CACNA1A: variants seen among roughly 807,000 people sequenced by gnomAD.
The protein encoded by CACNA1A is voltage-dependent P/Q-type calcium channel subunit alpha-1A.
A neutral mutation model predicts 262.4 loss-of-function variants in CACNA1A; 57 were observed. That is an observed-to-expected ratio of 0.22 (90% confidence interval 0.18 to 0.27). CACNA1A has a LOEUF of 0.27. Ranked by LOEUF, CACNA1A falls within the 10% of genes least tolerant of loss-of-function variation. The pLI, the probability that CACNA1A is intolerant of heterozygous loss-of-function variation, is 1.00. For missense variants in CACNA1A, 2,526 were observed against 3,562.8 expected (o/e 0.71, Z 7.41); for synonymous variants, 1,431 against 1,419.3 (o/e 1.01, Z -0.18).
At chr19:13,372,998 A>G (rs951340159) in intron 3 of CACNA1A, among the ~76,000 whole-genome samples, 2 of 152,220 alleles carry the variant, frequency 1.3e-5, no homozygotes, top group Non-Finnish European at 2.9e-5. Context: ...TTTCCTGAAC[A>G]TGTCCATTTC....
intron 6 of CACNA1A, among the ~76,000 whole-genome samples, chr19:13,354,549 C>T (rs549622093): frequency 1.8e-4 from 27 of 152,278 alleles, no homozygotes; most frequent in African/African-American, 4.3e-4. Context: ...CATTGACAGA[C>T]GCTACTCGTT....
intron 24 of CACNA1A, 175 bp from the exon 25 acceptor site, chr19:13,263,008 T>A: frequency 1.7e-6 from 1 of 605,374 alleles, no homozygotes. Context: ...CTGTTAAGCT[T>A]GGGCTCGGGA....
At chr19:13,209,033 GACAC>G in intron 45 of CACNA1A, 24 bp from the exon 46 acceptor site, 6 of 1,536,878 alleles carry the variant, frequency 3.9e-6, no homozygotes, top group Non-Finnish European at 5.2e-6. Context: ...GGGTCAGACA[GACAC>G]ACAGGTGGTC....
At chr19:13,460,132 C>T (rs147070091) in intron 1 of CACNA1A, among the ~76,000 whole-genome samples, 102 of 152,268 alleles carry the variant, frequency 6.7e-4, no homozygotes, top group African/African-American at 2.4e-3. Context: ...GACCTCAGAC[C>T]CTTGCTACTC....
At chr19:13,435,537 G>T (rs538660093) in intron 3 of CACNA1A, among the ~76,000 whole-genome samples, 6 of 152,236 alleles carry the variant, frequency 3.9e-5, no homozygotes, top group African/African-American at 1.4e-4. Context: ...TGAGCAGGAA[G>T]GGTGCTCTGC....
intron 30 of CACNA1A, among the ~76,000 whole-genome samples, chr19:13,246,788 G>A (rs1220879820): frequency 6.6e-6 from 1 of 152,022 alleles, no homozygotes; most frequent in African/African-American, 2.4e-5. Context: ...ACCACGCCTG[G>A]CTAATTTTTT....
rs958700455 is a variant in CACNA1A, at chr19:13,365,056, TTCC to T, written c.784+258_784+260del. 4.8e-5 allele frequency: 15 copies of T among 312,866 alleles called. No homozygotes were observed. The Admixed American group carries it at 5.0e-4, about 10-fold the overall frequency. The allele number at this position is 312,866 out of a possible 1,614,324, so 19.4% of individuals were successfully genotyped here. Reference sequence around the variant, plus strand: ...AAAGATCCCTTCTTTCTCTGCTCACTTCCTCATTCCCCCGATGGTGCTTCCTGG... The same window carrying T: ...AAAGATCCCTTCTTTCTCTGCTCACTTCATTCCCCCGATGGTGCTTCCTGG... On this transcript the variant is annotated intron_variant, in intron 5 of 46. Coordinates refer to ENST00000360228, the MANE Select transcript of CACNA1A (RefSeq NM_001127222.2).
chr19:13,474,822 A>AAC (rs1221017289), intron 1 of CACNA1A, among the ~76,000 whole-genome samples: 3 of 152,096 alleles, frequency 2.0e-5, no homozygotes, highest in African/African-American at 7.2e-5. Flanking sequence ...GTCTCAAAAA[A>AAC]AAAAAAAATG....
chr19:13,237,931 CTGGAAGCAGCCTCAGGAGGGGGGTT>C (rs1373173861), intron 31 of CACNA1A, among the ~76,000 whole-genome samples: 3 of 152,182 alleles, frequency 2.0e-5, no homozygotes, highest in African/African-American at 7.2e-5. Flanking sequence ...CAGGCGGACC[CTGGAAGCAGCCTCAGGAGGGGGGTT>C]TGGAGGAGAG....
intron 10 of CACNA1A, among the ~76,000 whole-genome samples, chr19:13,323,332 T>TA (rs1174187906): frequency 6.6e-6 from 1 of 152,192 alleles, no homozygotes; most frequent in Non-Finnish European, 1.5e-5. Flanking sequence ...TGTGAGGTGA[T>TA]AGCTAATGGT....
intron 1 of CACNA1A, among the ~76,000 whole-genome samples, chr19:13,488,234 C>T (rs1048167265): frequency 2.6e-5 from 4 of 152,188 alleles, no homozygotes; most frequent in African/African-American, 9.6e-5. Context: ...AGTCTACCTG[C>T]TTAGCCACCT....
chr19:13,436,262 T>C (rs1342600767), intron 3 of CACNA1A, among the ~76,000 whole-genome samples: 2 of 152,218 alleles, frequency 1.3e-5, no homozygotes, highest in Non-Finnish European at 2.9e-5. Flanking sequence ...GTACAGCTGC[T>C]GAGGCGAGTG....
Position 13,253,066 on chromosome 19 carries a change from C to T in CACNA1A, c.4791G>A (p.Leu1597=), listed in dbSNP as rs2144726178. The change falls in exon 30 of 47, where the codon CTG becomes CTA. Residue 1597 remains leucine (L), a synonymous_variant. Transcript: ENST00000360228. ...YGASVAYENA[L]RVFNIVFTSL... is the part of the protein sequence containing the mutation. ...AGGTGAAGACGATGTTGAACACCCG[C>T]AGGGCATTTTCATAAGCAACAGAAG... 6.2e-7 allele frequency: 1 copy of T among 1,613,642 alleles called. No homozygotes were observed. The highest frequency in any genetic ancestry group is 1.1e-5 in the South Asian group (1 of 91,068).
intron 1 of CACNA1A, among the ~76,000 whole-genome samples, chr19:13,458,872 G>A (rs963639041): frequency 7.2e-5 from 11 of 152,228 alleles, no homozygotes; most frequent in Non-Finnish European, 1.0e-4. Flanking sequence ...AGGTGTAAGC[G>A]CTGGAGAAGC....
chr19:13,461,410 G>A (rs1359056143), intron 1 of CACNA1A, among the ~76,000 whole-genome samples: 1 of 148,834 alleles, frequency 6.7e-6, no homozygotes. Flanking sequence ...AATGAAGGAA[G>A]GGGACATGGG....
intron 28 of CACNA1A, chr19:13,257,063 T>C (rs931432171): frequency 2.4e-5 from 6 of 250,794 alleles, no homozygotes; most frequent in South Asian, 7.2e-5. Context: ...GATGTTGACA[T>C]GCAGTGTGAG....
At chr19:13,470,847 C>G (rs1472357175) in intron 1 of CACNA1A, among the ~76,000 whole-genome samples, 5 of 152,210 alleles carry the variant, frequency 3.3e-5, no homozygotes, top group Non-Finnish European at 5.9e-5. Flanking sequence ...ATAGCTATAC[C>G]ACTCTGTGTC....
intron 19 of CACNA1A, among the ~76,000 whole-genome samples, chr19:13,292,838 G>A (rs1246838440): frequency 6.6e-6 from 1 of 151,428 alleles, no homozygotes; most frequent in Non-Finnish European, 1.5e-5. Context: ...GACTGATCTT[G>A]AATTTTTTTC....
intron 3 of CACNA1A, among the ~76,000 whole-genome samples, chr19:13,373,556 G>A (rs1399891611): frequency 1.3e-5 from 2 of 152,162 alleles, no homozygotes; most frequent in Admixed American, 1.3e-4. Context: ...GCTCCCAGTA[G>A]GACGGAGCTC....
Sources: gnomAD v4.1 joint callset for allele counts (sites outside exome capture counted in the v4.1 genomes callset) on GRCh38, gnomAD v4.1.1 for gene constraint, MANE v1.5 for transcripts, NCBI Gene and HGNC (gene_info 2026-07-23, HGNC 2026-07-21) for gene names.